The following METTL15 variants were observed in gnomAD, a reference collection of about 807,000 sequenced individuals.
METTL15 encodes 12S rRNA N(4)-cytidine methyltransferase METTL15.
A neutral mutation model predicts 38.3 loss-of-function variants in METTL15; 34 were observed. The observed-to-expected ratio is 0.89, with a 90% CI of 0.68 to 1.18. The LOEUF (loss-of-function observed/expected upper bound fraction) is 1.18, where lower values mean the gene tolerates loss of function less well. Ranked by LOEUF, METTL15 falls within the 50% of genes most tolerant of loss-of-function variation. METTL15 has a pLI of 0.00. For missense variants in METTL15, 438 were observed against 498.4 expected (o/e 0.88, Z 1.15); for synonymous variants, 162 against 170.9 (o/e 0.95, Z 0.41).
chr11:28,222,364 A>G (rs1853276378), intron 4 of METTL15, among the ~76,000 whole-genome samples: 1 of 152,192 alleles, frequency 6.6e-6, no homozygotes, highest in Non-Finnish European at 1.5e-5. Flanking sequence ...TGCCCAGGAT[A>G]TAATCTCCTG....
Position 28,263,936 on chromosome 11 carries a change from A to T in METTL15, c.408-26270A>T, listed in dbSNP as rs914422665. 6.6e-5 allele frequency among the ~76,000 whole-genome samples: 10 copies of T among 152,222 alleles called. No homozygotes were observed. In the South Asian group the frequency reaches 2.1e-3, roughly 32 times the overall value. ...GATGGTAAGTGTTTTGAGGGCAAGGATCATGTAATATGTCTTCTATATATC... is the reference window on the plus strand; with the variant it reads ...GATGGTAAGTGTTTTGAGGGCAAGGTTCATGTAATATGTCTTCTATATATC... On this transcript the variant is annotated intron_variant, in intron 4 of 6. Transcript: ENST00000407364.
intron 6 of METTL15, among the ~76,000 whole-genome samples, chr11:28,426,806 T>C (rs1274192674): frequency 6.6e-6 from 1 of 151,968 alleles, no homozygotes; most frequent in African/African-American, 2.4e-5. Context: ...TTCTTGTAAA[T>C]GTGTTTAAGT....
At chr11:28,323,469 G>A (rs1448678238) in intron 6 of METTL15, among the ~76,000 whole-genome samples, 3 of 152,118 alleles carry the variant, frequency 2.0e-5, no homozygotes, top group African/African-American at 7.2e-5. Context: ...ACTGCCTTTT[G>A]TATTATGTGA....
At chr11:28,147,684 A>G (rs957273538) in intron 3 of METTL15, among the ~76,000 whole-genome samples, 1 of 151,762 alleles carries the variant, frequency 6.6e-6, no homozygotes, top group African/African-American at 2.4e-5. Flanking sequence ...ATGATCTTTG[A>G]AAAATTCTGT....
Position 28,307,671 on chromosome 11 carries a change from G to A in METTL15, c.778+10740G>A, listed in dbSNP as rs370068700. ...TTTCAGTTTTCTCATTAGCAAAGTA[G>A]TGAATTTGACCTAGAAACACCTATT... is the stretch of plus-strand genomic sequence containing the variant. On this transcript the variant is annotated intron_variant, in intron 6 of 6. Coordinates refer to ENST00000407364, the MANE Select transcript of METTL15 (RefSeq NM_001113528.2). 7.2e-5 allele frequency among the ~76,000 whole-genome samples: 11 copies of A among 152,070 alleles called. No homozygotes were observed. The East Asian group carries it at 1.2e-3, about 16-fold the overall frequency.
chr11:28,344,032 C>G (rs186934600), intron 3 of METTL15, among the ~76,000 whole-genome samples: 1 of 152,270 alleles, frequency 6.6e-6, no homozygotes, highest in Admixed American at 6.5e-5. Flanking sequence ...TTTGCTGAAT[C>G]ATCAATAGCT....
chr11:28,390,597 T>G (rs2133393350), intron 5 of METTL15, among the ~76,000 whole-genome samples: 1 of 152,346 alleles, frequency 6.6e-6, no homozygotes, highest in Admixed American at 6.5e-5. Flanking sequence ...TATCTCTGTT[T>G]TGGTACTAGT....
intron 6 of METTL15, among the ~76,000 whole-genome samples, chr11:28,518,055 G>T (rs1018387054): frequency 1.3e-5 from 2 of 152,214 alleles, no homozygotes; most frequent in Non-Finnish European, 1.5e-5. Flanking sequence ...TCGTTAAGTG[G>T]TTCCCTATTG....
intron 3 of METTL15, among the ~76,000 whole-genome samples, chr11:28,189,188 A>G (rs1851612447): frequency 6.6e-6 from 1 of 151,364 alleles, no homozygotes. Flanking sequence ...TTAATTCACA[A>G]TTCCATGATT....
intron 6 of METTL15, among the ~76,000 whole-genome samples, chr11:28,453,857 TG>T (rs1851145260): frequency 1.3e-5 from 2 of 152,326 alleles, no homozygotes; most frequent in East Asian, 3.9e-4. Context: ...AAAATCTGTT[TG>T]GTTGGTTGGT....
At chr11:28,244,556 T>C (rs1269241341) in intron 4 of METTL15, among the ~76,000 whole-genome samples, 1 of 152,202 alleles carries the variant, frequency 6.6e-6, no homozygotes, top group Non-Finnish European at 1.5e-5. Flanking sequence ...TCAGTTTGTT[T>C]TTGGTATGGC....
intron 6 of METTL15, among the ~76,000 whole-genome samples, chr11:28,487,377 A>G (rs1487486360): frequency 6.6e-6 from 1 of 152,166 alleles, no homozygotes; most frequent in African/African-American, 2.4e-5. Context: ...AATCTGACAT[A>G]TTAAGTAATT....
chr11:28,214,520 TA>T (rs1214546134), intron 4 of METTL15, among the ~76,000 whole-genome samples: 2 of 152,212 alleles, frequency 1.3e-5, no homozygotes, highest in Admixed American at 1.3e-4. Context: ...GTCAGGTAGT[TA>T]ATCAATGATA....
intron 6 of METTL15, among the ~76,000 whole-genome samples, chr11:28,320,338 C>T (rs992703888): frequency 2.0e-5 from 3 of 151,822 alleles, no homozygotes; most frequent in African/African-American, 7.3e-5. Flanking sequence ...GGAGGAATAG[C>T]GCTTGAGTTC....
intron 6 of METTL15, among the ~76,000 whole-genome samples, chr11:28,472,624 A>G (rs1172540518): frequency 1.3e-5 from 2 of 152,306 alleles, no homozygotes; most frequent in Admixed American, 1.3e-4. Context: ...CTGTAATGAT[A>G]ATAATAAAAA....
intron 6 of METTL15, among the ~76,000 whole-genome samples, chr11:28,299,979 A>T (rs1372541129): frequency 6.6e-6 from 1 of 152,114 alleles, no homozygotes; most frequent in Non-Finnish European, 1.5e-5. Context: ...CTCTTCTTAT[A>T]AGGACACCAG....
intron 6 of METTL15, among the ~76,000 whole-genome samples, chr11:28,300,400 A>C (rs544365354): frequency 6.6e-6 from 1 of 152,142 alleles, no homozygotes; most frequent in Non-Finnish European, 1.5e-5. Flanking sequence ...AGAACAACAC[A>C]CTTGGAATCA....
In METTL15 at chr11:28,363,284, C is replaced by T. The variant is rs567388543; in HGVS notation, c.*358+1248C>T. ...TGCCTCCTGGATTCAAGCGATTATC[C>T]GGCCTCAGCCTCCCGAGTAGCTGGG... On this transcript the variant is annotated intron_variant and NMD_transcript_variant, in intron 5 of 7. Coordinates refer to the METTL15 transcript ENST00000532947. Among the ~76,000 whole-genome samples the T allele has an allele frequency of 3.3e-3, 497 of 152,178 alleles. 2 individuals carry two copies. Among genetic ancestry groups the T allele is most frequent in the Non-Finnish European group, 5.1e-3 (347 of 68,004 alleles).
intron 6 of METTL15, among the ~76,000 whole-genome samples, chr11:28,449,614 T>C (rs1410824963): frequency 6.6e-6 from 1 of 152,184 alleles, no homozygotes; most frequent in Non-Finnish European, 1.5e-5. Flanking sequence ...AAATGGTATC[T>C]ATTTCTCCAC....
Sources: gnomAD v4.1 joint callset for allele counts (sites outside exome capture counted in the v4.1 genomes callset) on GRCh38, gnomAD v4.1.1 for gene constraint, MANE v1.5 for transcripts, NCBI Gene and HGNC (gene_info 2026-07-23, HGNC 2026-07-21) for gene names.